Variants in HHIPL2 observed in about 807,000 individuals in gnomAD.
HHIPL2 encodes HHIP like 2, also known as HHIP-like protein 2.
In HHIPL2, 61 loss-of-function variants were observed where a neutral mutation model predicts 61.0. That is an observed-to-expected ratio of 1.00 (90% CI 0.81 to 1.24). The LOEUF (loss-of-function observed/expected upper bound fraction) is 1.24, where lower values mean the gene tolerates loss of function less well. HHIPL2 is among the 50% of genes most tolerant of loss of function. The pLI is 0.00. For synonymous variants in HHIPL2, 343 were observed against 357.4 expected (o/e 0.96, Z 0.45); for missense variants, 885 against 910.2 (o/e 0.97, Z 0.36).
intron 6 of HHIPL2, among the ~76,000 whole-genome samples, chr1:222,531,261 T>C (rs1360671898): frequency 6.6e-6 from 1 of 152,034 alleles, no homozygotes; most frequent in Non-Finnish European, 1.5e-5. Context: ...TCACCAGAGG[T>C]CCCTTTCCCA....
chr1:222,544,109 A>G lies in HHIPL2; in HGVS notation c.402T>C (p.Ser134=), dbSNP rs1489678021. The change falls in exon 2 of 9, where the codon TCT becomes TCC. Residue 134 remains serine, a synonymous_variant. Transcript: ENST00000343410. ...TPLRNLPGLC[S]DYCSAFHSNC... ...TAGAATGGAAGGCAGAGCAGTAATC[A>G]GAGCAGAGGCCCGGGAGATTCCGGA... The G allele has an allele frequency of 1.4e-5, 22 of 1,614,172 alleles. No homozygotes were observed. The highest frequency in any genetic ancestry group is 1.8e-5 in the Non-Finnish European group (21 of 1,180,044).
chr1:222,546,397 T>G (rs536927537), intron 1 of HHIPL2, among the ~76,000 whole-genome samples: 2 of 152,330 alleles, frequency 1.3e-5, no homozygotes, highest in Admixed American at 1.3e-4. Context: ...GAATCATTGC[T>G]GGGTACACAC....
chr1:222,540,695 T>C (rs1659413823), intron 3 of HHIPL2, among the ~76,000 whole-genome samples: 1 of 152,194 alleles, frequency 6.6e-6, no homozygotes, highest in African/African-American at 2.4e-5. Flanking sequence ...TATGACAAAG[T>C]TTTTCAAGAA....
In HHIPL2 at chr1:222,547,680, G is replaced by A. The variant is rs878974631; in HGVS notation, c.321+44C>T. ...CTCCGCTCAGGACCCACACCATGCAGCCCAGCACCCAAACCCCTGGGGCTG... is the reference window on the plus strand; with the variant it reads ...CTCCGCTCAGGACCCACACCATGCAACCCAGCACCCAAACCCCTGGGGCTG... On this transcript the variant is annotated intron_variant, in intron 1 of 8. Transcript: ENST00000343410. The A allele has an allele frequency of 4.6e-6, 7 of 1,535,038 alleles. No individual in the cohort carries two copies. The South Asian group carries it at 7.0e-5, about 15-fold the overall frequency.
rs775129138 is a variant in HHIPL2 at position 222,527,017 on chromosome 1, C to T, written c.1757G>A (p.Ser586Asn). The T allele has an allele frequency of 2.1e-5, 34 of 1,613,532 alleles. No homozygotes were observed. Among genetic ancestry groups the T allele is most frequent in the Non-Finnish European group, 2.5e-5 (30 of 1,179,850 alleles). The change falls in exon 7 of 9, where the codon AGT becomes AAT. Residue 586 changes from serine to asparagine, a missense_variant. Physicochemically the swap from Ser to Asn is conservative, Grantham distance 46. Transcript: ENST00000343410. ...ELYFLATSYP[S>N]AYAPRGSIYK... ...AATAGATCCACGTGGTGCATAGGCA[C>T]TTGGGTAAGAGGTCGCCAGGAAATA... is the stretch of plus-strand genomic sequence containing the variant.
chr1:222,546,934 C>G (rs1251965623), intron 1 of HHIPL2, among the ~76,000 whole-genome samples: 1 of 152,218 alleles, frequency 6.6e-6, no homozygotes, highest in Non-Finnish European at 1.5e-5. Flanking sequence ...GACTTCTTGC[C>G]TCTCCTCCCC....
Position 222,547,836 on chromosome 1 carries a change from C to T in HHIPL2, c.209G>A (p.Cys70Tyr). 4 of 1,614,166 alleles carry T rather than the reference C, an allele frequency of 2.5e-6. No individual in the cohort carries two copies. Among genetic ancestry groups the T allele is most frequent in the South Asian group, 2.2e-5 (2 of 91,086 alleles). ...FCSDYESFGC[C>Y]DQHKDRRIAA... ...GATGCGGCGGTCCTTGTGCTGATCA[C>T]AGCAGCCGAAGGACTCATAGTCAGA... Residue 70 changes from cysteine (C) to tyrosine (Y), a missense_variant, in exon 1 of 9, where the codon TGT becomes TAT. Physicochemically the swap from Cys to Tyr is radical, Grantham distance 194. Coordinates refer to ENST00000343410, the MANE Select transcript of HHIPL2 (RefSeq NM_024746.4).
chr1:222,535,476 T>C (rs1443246928), intron 5 of HHIPL2, among the ~76,000 whole-genome samples: 2 of 152,176 alleles, frequency 1.3e-5, no homozygotes, highest in Admixed American at 6.5e-5. Context: ...CAACATACAC[T>C]TATTCTTTTA....
Position 222,540,076 on chromosome 1 carries a change from A to C in HHIPL2, c.1384T>G (p.Tyr462Asp), listed in dbSNP as rs1234935623. 2 of 1,614,150 alleles carry C rather than the reference A, an allele frequency of 1.2e-6. No homozygotes were observed. Among genetic ancestry groups the C allele is most frequent in the African/African-American group, 2.7e-5 (2 of 74,946 alleles). The change falls in exon 4 of 9, where the codon TAT becomes GAT. Residue 462 changes from tyrosine (Y) to aspartate (D), a missense_variant. Physicochemically the swap from Tyr to Asp is radical, Grantham distance 160. Coordinates refer to ENST00000343410, the MANE Select transcript of HHIPL2 (RefSeq NM_024746.4). ...AACCCTTCCTTTGCTCTCCAGCCAT[A>C]GTTTCCACCTTTCAAAATGAGGTCA... ...EVDLILKGGN[Y>D]GWRAKEGFAC... is the part of the protein sequence containing the mutation.
In HHIPL2 at chr1:222,548,104, C is replaced by T; in HGVS notation, c.-60G>A. ...CTCAGGTTGGCTTCCCTGCTCTGCC[C>T]AAGGTCCTCCCTCTCTTCCTCCCCC... On this transcript the variant is annotated 5_prime_UTR_variant, in exon 1 of 9. Coordinates refer to ENST00000343410, the MANE Select transcript of HHIPL2 (RefSeq NM_024746.4). The T allele has an allele frequency of 5.9e-6, 7 of 1,195,720 alleles. No individual in the cohort carries two copies. Among genetic ancestry groups the T allele is most frequent in the Non-Finnish European group, 3.5e-6 (3 of 852,362 alleles). 74.1% of individuals were successfully genotyped at this position (1,195,720 alleles called of 1,614,324 possible).
intron 7 of HHIPL2, 32 bp downstream of exon 7, chr1:222,526,937 G>C: frequency 6.5e-7 from 1 of 1,548,700 alleles, no homozygotes; most frequent in Non-Finnish European, 8.9e-7. Flanking sequence ...TGAGAAAAAT[G>C]CATTTGAGAA....
At chr1:222,539,567 A>G (rs998888189) in intron 4 of HHIPL2, among the ~76,000 whole-genome samples, 1 of 151,808 alleles carries the variant, frequency 6.6e-6, no homozygotes, top group African/African-American at 2.4e-5. Context: ...AGAAAAGAAA[A>G]AAAAAGAAAA....
At chr1:222,533,190 C>A (rs891621646) in intron 5 of HHIPL2, among the ~76,000 whole-genome samples, 1 of 151,918 alleles carries the variant, frequency 6.6e-6, no homozygotes, top group African/African-American at 2.4e-5. Flanking sequence ...CATGGCAAAA[C>A]CCCATCTCTA....
intron 1 of HHIPL2, among the ~76,000 whole-genome samples, chr1:222,545,622 C>T (rs1659538370): frequency 6.6e-6 from 1 of 152,186 alleles, no homozygotes; most frequent in East Asian, 1.9e-4. Context: ...GAAAGAGAAC[C>T]ATCACTATGG....
Position 222,522,669 on chromosome 1 carries a change from G to C in HHIPL2, c.2107C>G (p.Leu703Val). ...HVRQGKRRKSLKSHSGRMRPS... is the reference protein window; with the variant it reads ...HVRQGKRRKSVKSHSGRMRPS... ...CTCATCCTGCCACTGTGGCTTTTCAGGCTCTTCCTCCTCTTGCCCTGGCGG... is the reference window on the plus strand; with the variant it reads ...CTCATCCTGCCACTGTGGCTTTTCACGCTCTTCCTCCTCTTGCCCTGGCGG... Residue 703 changes from leucine (L) to valine (V), a missense_variant, in exon 9 of 9, where the codon CTG becomes GTG. Physicochemically the swap from Leu to Val is conservative, Grantham distance 32. Transcript: ENST00000343410. 3 of 1,614,166 alleles carry C rather than the reference G, an allele frequency of 1.9e-6. No individual in the cohort carries two copies. The highest frequency in any genetic ancestry group is 2.5e-6 in the Non-Finnish European group (3 of 1,180,040).
At position 222,547,803 on chromosome 1, in the gene HHIPL2, C is replaced by T. The variant is rs377410734; in HGVS notation, c.242G>A (p.Arg81Gln). 3.5e-5 allele frequency: 56 copies of T among 1,614,158 alleles called. No individual in the cohort carries two copies. Among genetic ancestry groups the T allele is most frequent in the Non-Finnish European group, 4.6e-5 (54 of 1,180,024 alleles). Reference sequence around the variant, plus strand: ...AAAATATTCCATGATGTCCCAGTACCGGGCAGCGATGCGGCGGTCCTTGTG... The same window carrying T: ...AAAATATTCCATGATGTCCCAGTACTGGGCAGCGATGCGGCGGTCCTTGTG... ...DQHKDRRIAA[R>Q]YWDIMEYFDL... is the part of the protein sequence containing the mutation. The change falls in exon 1 of 9, where the codon CGG (arginine) becomes CAG (glutamine). Residue 81 changes from arginine (R) to glutamine (Q), a missense_variant. Coordinates refer to ENST00000343410, the MANE Select transcript of HHIPL2 (RefSeq NM_024746.4).
Position 222,541,925 on chromosome 1 carries a change from T to G in HHIPL2, c.1118+87A>C, listed in dbSNP as rs866354836. The stretch of plus-strand genomic sequence containing the variant: ...GGAGTAGACTACATCTTGCAGTGTG[T>G]GATTTGAGTTTGATGCCATCCCTGC... On this transcript the variant is annotated intron_variant, in intron 3 of 8. Transcript: ENST00000343410. 4 of 1,377,646 alleles carry G rather than the reference T, an allele frequency of 2.9e-6. No homozygotes were observed. In the South Asian group the frequency reaches 4.2e-5, roughly 15 times the overall value. 85.3% of individuals were successfully genotyped at this position (1,377,646 alleles called of 1,614,324 possible).
At chr1:222,544,228 T>C in intron 1 of HHIPL2, 39 bp from the exon 2 acceptor site, 1 of 1,569,360 alleles carries the variant, frequency 6.4e-7, no homozygotes, top group South Asian at 1.1e-5. Flanking sequence ...GCATCAGACC[T>C]GCCACACCGG....
chr1:222,540,669 C>T (rs374970377), intron 3 of HHIPL2, among the ~76,000 whole-genome samples: 1 of 152,198 alleles, frequency 6.6e-6, no homozygotes, highest in East Asian at 1.9e-4. Context: ...CACAGCTTCT[C>T]TCTGATTTGG....
Sources: allele counts gnomAD v4.1 joint callset (sites outside exome capture counted in the v4.1 genomes callset), GRCh38; gene constraint gnomAD v4.1.1; transcripts MANE v1.5; gene names NCBI Gene and HGNC (gene_info 2026-07-23, HGNC 2026-07-21).